FAM13A: variants seen among roughly 807,000 people sequenced by gnomAD.
The protein encoded by FAM13A is family with sequence similarity 13 member A.
A neutral mutation model predicts 129.6 loss-of-function variants in FAM13A; 76 were observed. That is an observed-to-expected ratio of 0.59 (90% CI 0.49 to 0.71). The LOEUF is 0.71. Among genes scored for constraint, FAM13A ranks in the 30% least tolerant of loss-of-function variants. FAM13A has a pLI of 0.00. For missense variants in FAM13A, 1,108 were observed against 1,249.3 expected (o/e 0.89, Z 1.70); for synonymous variants, 443 against 449.9 (o/e 0.98, Z 0.20).
chr4:89,015,883 A>G (rs1047153885), intron 3 of FAM13A, among the ~76,000 whole-genome samples: 2 of 152,178 alleles, frequency 1.3e-5, no homozygotes, highest in African/African-American at 4.8e-5. Context: ...TATGTTAACT[A>G]TAACAGACTT....
chr4:88,911,618 A>C (rs796359947), intron 5 of FAM13A, among the ~76,000 whole-genome samples: 11 of 152,224 alleles, frequency 7.2e-5, no homozygotes, highest in African/African-American at 2.6e-4. Context: ...TTGCAATGAG[A>C]GATAAGACTG....
At chr4:88,775,853 T>A (rs528102546) in intron 11 of FAM13A, among the ~76,000 whole-genome samples, 2 of 152,354 alleles carry the variant, frequency 1.3e-5, no homozygotes, top group East Asian at 3.9e-4. Flanking sequence ...GCACATTTAG[T>A]TGCATTGAAA....
At chr4:88,811,572 T>G in intron 7 of FAM13A, among the ~76,000 whole-genome samples, 1 of 132,196 alleles carries the variant, frequency 7.6e-6, no homozygotes, top group Non-Finnish European at 1.6e-5. Context: ...TATGTGCATG[T>G]GGGGGGAAAA....
At chr4:88,822,963 A>C in intron 7 of FAM13A, 1 of 1,612,068 alleles carries the variant, frequency 6.2e-7, no homozygotes, top group East Asian at 2.2e-5. Context: ...AAAATAAAAT[A>C]GGAAAATACT....
chr4:88,855,085 A>T (rs1738263725), intron 6 of FAM13A, among the ~76,000 whole-genome samples: 1 of 152,220 alleles, frequency 6.6e-6, no homozygotes, highest in Admixed American at 6.5e-5. Context: ...AGTTACCATC[A>T]GAACCCAGAC....
intron 7 of FAM13A, among the ~76,000 whole-genome samples, chr4:88,835,721 A>G (rs1734704088): frequency 6.6e-6 from 1 of 151,978 alleles, no homozygotes; most frequent in African/African-American, 2.4e-5. Flanking sequence ...GTAGTTCCCA[A>G]TAGGATTTGC....
chr4:88,876,899 T>C (rs1003004293), intron 6 of FAM13A, among the ~76,000 whole-genome samples: 10 of 152,202 alleles, frequency 6.6e-5, no homozygotes. Context: ...ACCGCGTCAC[T>C]TCTTTATTAA....
chr4:89,030,464 A>G (rs1768538630), intron 1 of FAM13A, among the ~76,000 whole-genome samples: 1 of 152,134 alleles, frequency 6.6e-6, no homozygotes, highest in Non-Finnish European at 1.5e-5. Flanking sequence ...AAACACTGAA[A>G]AGAGAGATGG....
intron 11 of FAM13A, among the ~76,000 whole-genome samples, chr4:88,778,708 C>G (rs1722263711): frequency 6.6e-6 from 1 of 152,198 alleles, no homozygotes; most frequent in Non-Finnish European, 1.5e-5. Context: ...GGTCACTGTT[C>G]TACTGAGAAC....
chr4:88,945,990 G>GTGTGTGTGTGTGTGTGTGTGTATA, intron 4 of FAM13A, among the ~76,000 whole-genome samples: 1 of 61,966 alleles, frequency 1.6e-5, no homozygotes, highest in African/African-American at 8.6e-5. Flanking sequence ...GTGTGTGTGT[G>GTGTGTGTGTGTGTGTGTGTGTATA]TATATATATA....
chr4:88,981,576 A>C (rs116732375), intron 4 of FAM13A, among the ~76,000 whole-genome samples: 1 of 152,150 alleles, frequency 6.6e-6, no homozygotes. Context: ...GCCTTAGAGC[A>C]GATCCTCAAG....
intron 6 of FAM13A, among the ~76,000 whole-genome samples, chr4:88,903,354 T>C (rs1747602499): frequency 6.6e-6 from 1 of 152,156 alleles, no homozygotes; most frequent in South Asian, 2.1e-4. Flanking sequence ...AGTACAAGGC[T>C]ACAGTAACCA....
intron 3 of FAM13A, among the ~76,000 whole-genome samples, chr4:88,993,770 G>A (rs1480103166): frequency 6.6e-6 from 1 of 152,156 alleles, no homozygotes; most frequent in East Asian, 1.9e-4. Flanking sequence ...GGAGGCCGAG[G>A]TGGGCAGATC....
At chr4:88,819,824 A>C (rs900827593) in intron 7 of FAM13A, among the ~76,000 whole-genome samples, 1 of 152,208 alleles carries the variant, frequency 6.6e-6, no homozygotes, top group Non-Finnish European at 1.5e-5. Context: ...TTAGTATTTT[A>C]AAAAATAACT....
At chr4:88,889,741 G>A (rs1007892983) in intron 6 of FAM13A, among the ~76,000 whole-genome samples, 5 of 152,102 alleles carry the variant, frequency 3.3e-5, no homozygotes, top group African/African-American at 1.2e-4. Flanking sequence ...CAGAGGGCAT[G>A]TTTTCAGATG....
At chr4:88,737,392 C>G (rs570288619) in intron 21 of FAM13A, 80 bp downstream of exon 21, 305 of 1,224,916 alleles carry the variant, frequency 2.5e-4, no homozygotes, top group Non-Finnish European at 3.5e-4. Context: ...ATCACACCCC[C>G]TTTCCATTCA....
At chr4:88,895,936 C>T (rs1205103997) in intron 6 of FAM13A, among the ~76,000 whole-genome samples, 1 of 147,684 alleles carries the variant, frequency 6.8e-6, no homozygotes, top group African/African-American at 2.5e-5. Context: ...ACCCAAAGGA[C>T]TATAAATCAT....
chr4:89,053,944 C>A (rs1771912296), intron 1 of FAM13A, among the ~76,000 whole-genome samples: 1 of 152,108 alleles, frequency 6.6e-6, no homozygotes, highest in Admixed American at 6.6e-5. Context: ...GAAACAGAAT[C>A]ATCCAAAAGT....
chr4:88,830,340 T>C (rs1238401582), intron 7 of FAM13A, among the ~76,000 whole-genome samples: 1 of 152,176 alleles, frequency 6.6e-6, no homozygotes, highest in Admixed American at 6.5e-5. Flanking sequence ...TACAAAACCA[T>C]ATAAAAAGCT....
Sources: gnomAD v4.1 joint callset for allele counts (sites outside exome capture counted in the v4.1 genomes callset) on GRCh38, gnomAD v4.1.1 for gene constraint, MANE v1.5 for transcripts, NCBI Gene and HGNC (gene_info 2026-07-23, HGNC 2026-07-21) for gene names.